ATP2B2: variants seen among roughly 807,000 people sequenced by gnomAD.
ATP2B2 encodes ATPase plasma membrane Ca2+ transporting 2, also known as plasma membrane calcium-transporting ATPase 2.
ATP2B2 carries 15 observed loss-of-function variants against 120.0 expected under a neutral mutation model. The ratio of observed to expected loss-of-function variants is 0.12; its 90% CI spans 0.08 to 0.19. The LOEUF (loss-of-function observed/expected upper bound fraction) is 0.19, where lower values mean the gene tolerates loss of function less well. ATP2B2 is among the 10% of genes least tolerant of loss of function. The probability of loss-of-function intolerance (pLI) is 1.00; values close to 1 mark genes in which losing one functional copy is unlikely to be tolerated. For missense variants in ATP2B2, 1,045 were observed against 1,719.8 expected, an observed-to-expected ratio of 0.61 and a Z score of 6.94; for synonymous variants, 694 against 700.3, an observed-to-expected ratio of 0.99 and a Z score of 0.14.
At chr3:10,539,916 T>G (rs892932306) in intron 2 of ATP2B2, among the ~76,000 whole-genome samples, 1 of 152,062 alleles carries the variant, frequency 6.6e-6, no homozygotes, top group African/African-American at 2.4e-5. Context: ...GAAACTACCA[T>G]CAGAGTGAAC....
intron 1 of ATP2B2, among the ~76,000 whole-genome samples, chr3:10,680,600 G>C (rs1478080764): frequency 1.3e-5 from 2 of 152,170 alleles, no homozygotes; most frequent in Non-Finnish European, 2.9e-5. Flanking sequence ...CAAGTCAGAG[G>C]CTAGGACCCG....
intron 1 of ATP2B2, among the ~76,000 whole-genome samples, chr3:10,704,919 A>C (rs2071874468): frequency 6.6e-6 from 1 of 152,214 alleles, no homozygotes; most frequent in South Asian, 2.1e-4. Flanking sequence ...TTTAATTTAT[A>C]ATAAGCATAT....
At chr3:10,640,023 TAG>T (rs1246032986) in intron 1 of ATP2B2, among the ~76,000 whole-genome samples, 2 of 152,122 alleles carry the variant, frequency 1.3e-5, no homozygotes, top group Admixed American at 6.5e-5. Context: ...ACTGAAAGTC[TAG>T]ACTTTTCCCA....
At chr3:10,570,951 C>T (rs2068110264) in intron 2 of ATP2B2, among the ~76,000 whole-genome samples, 1 of 152,246 alleles carries the variant, frequency 6.6e-6, no homozygotes, top group Non-Finnish European at 1.5e-5. Context: ...ATTACTGAAG[C>T]ACACAAGGAA....
intron 1 of ATP2B2, among the ~76,000 whole-genome samples, chr3:10,458,077 G>A (rs568031734): frequency 3.9e-5 from 6 of 152,110 alleles, no homozygotes; most frequent in Non-Finnish European, 5.9e-5. Context: ...CCATCCATCC[G>A]TCTATCCATC....
intron 1 of ATP2B2, among the ~76,000 whole-genome samples, chr3:10,487,965 A>G (rs1575386174): frequency 6.6e-6 from 1 of 151,906 alleles, no homozygotes; most frequent in African/African-American, 2.4e-5. Context: ...ACCCATATAC[A>G]TATCTTCCTG....
chr3:10,419,313 C>T (rs917227282), intron 2 of ATP2B2, among the ~76,000 whole-genome samples: 5 of 152,172 alleles, frequency 3.3e-5, no homozygotes, highest in African/African-American at 1.2e-4. Flanking sequence ...TCTCTGGCAT[C>T]CCCTGCAGTC....
intron 2 of ATP2B2, among the ~76,000 whole-genome samples, chr3:10,614,089 C>T (rs1406087415): frequency 6.6e-6 from 1 of 151,476 alleles, no homozygotes; most frequent in Non-Finnish European, 1.5e-5. Context: ...CCCCTCTCTC[C>T]TCTCACCCAG....
Position 10,328,575 on chromosome 3 carries a change from A to G in ATP2B2, c.*239T>C. 1 of 536,804 alleles carries G rather than the reference A, an allele frequency of 1.9e-6. No individual in the cohort carries two copies. The highest frequency in any genetic ancestry group is 3.5e-5 in the Admixed American group (1 of 28,978). The allele number at this position is 536,804 out of a possible 1,614,324, so 33.3% of individuals were successfully genotyped here. On this transcript the variant is annotated 3_prime_UTR_variant, in exon 23 of 23. Coordinates refer to ENST00000360273, the MANE Select transcript of ATP2B2 (RefSeq NM_001001331.4). ...AGGGCTTGTTTTGGGAAAACCGCTC[A>G]CTCCCGTAAGCCCCCAGTGGAGATC...
intron 1 of ATP2B2, among the ~76,000 whole-genome samples, chr3:10,472,358 A>G (rs2125288679): frequency 6.6e-6 from 1 of 151,980 alleles, no homozygotes; most frequent in South Asian, 2.1e-4. Context: ...CCCATGTGCC[A>G]GGGGAGAGAG....
intron 2 of ATP2B2, among the ~76,000 whole-genome samples, chr3:10,423,088 G>A (rs975572312): frequency 1.4e-4 from 22 of 152,332 alleles, no homozygotes; most frequent in African/African-American, 4.3e-4. Flanking sequence ...GGGCCCCTGA[G>A]AAAGGTTTAC....
chr3:10,575,699 G>A (rs2068228739), intron 2 of ATP2B2, among the ~76,000 whole-genome samples: 1 of 152,176 alleles, frequency 6.6e-6, no homozygotes, highest in Non-Finnish European at 1.5e-5. Flanking sequence ...ACCAATACCT[G>A]GAGAGGAGAA....
chr3:10,670,220 C>T (rs1335766452), intron 1 of ATP2B2, among the ~76,000 whole-genome samples: 2 of 152,208 alleles, frequency 1.3e-5, no homozygotes, highest in Non-Finnish European at 2.9e-5. Context: ...CTAGCCTTCG[C>T]TGGAGGATGC....
chr3:10,579,607 G>C (rs1179056403), intron 2 of ATP2B2, among the ~76,000 whole-genome samples: 1 of 152,138 alleles, frequency 6.6e-6, no homozygotes, highest in East Asian at 1.9e-4. Context: ...TCAGGAGTTC[G>C]AGACCAGCCT....
intron 1 of ATP2B2, among the ~76,000 whole-genome samples, chr3:10,471,904 C>T (rs745887951): frequency 3.0e-4 from 46 of 151,502 alleles, no homozygotes; most frequent in Non-Finnish European, 5.7e-4. Flanking sequence ...CACGGTGAAA[C>T]CCCGTCTCTA....
At chr3:10,581,451 G>A (rs1364890029) in intron 2 of ATP2B2, among the ~76,000 whole-genome samples, 1 of 152,198 alleles carries the variant, frequency 6.6e-6, no homozygotes, top group Non-Finnish European at 1.5e-5. Flanking sequence ...GGGCAAGGCA[G>A]GGGCACGAGC....
At chr3:10,617,001 T>TA (rs2069407792) in intron 2 of ATP2B2, among the ~76,000 whole-genome samples, 2 of 152,242 alleles carry the variant, frequency 1.3e-5, no homozygotes. Flanking sequence ...CCTCCATTAT[T>TA]AAAAATTCAT....
chr3:10,487,041 T>C (rs1193927940), intron 1 of ATP2B2, among the ~76,000 whole-genome samples: 1 of 152,142 alleles, frequency 6.6e-6, no homozygotes, highest in Non-Finnish European at 1.5e-5. Flanking sequence ...GCCAGAATTA[T>C]TAATCTTAGT....
At chr3:10,401,619 G>T (rs192765214) in intron 4 of ATP2B2, among the ~76,000 whole-genome samples, 1 of 152,288 alleles carries the variant, frequency 6.6e-6, no homozygotes. Context: ...TTTCTCCATG[G>T]CAGTAGCACA....
Sources: gnomAD v4.1 joint callset for allele counts (sites outside exome capture counted in the v4.1 genomes callset) on GRCh38, gnomAD v4.1.1 for gene constraint, MANE v1.5 for transcripts, NCBI Gene and HGNC (gene_info 2026-07-23, HGNC 2026-07-21) for gene names.